LINGO3: variants seen among roughly 807,000 people sequenced by gnomAD.
LINGO3 encodes leucine-rich repeat and immunoglobulin-like domain-containing nogo receptor-interacting protein 3.
For missense variants in LINGO3, 750 were observed against 867.7 expected, an observed-to-expected ratio of 0.86 and a Z score of 1.70; for synonymous variants, 427 against 444.2, an observed-to-expected ratio of 0.96 and a Z score of 0.49.
rs747714327 is a variant in LINGO3, at chr19:2,290,755, A to C, written c.1022T>G (p.Val341Gly). The C allele has an allele frequency of 6.2e-7, 1 of 1,612,840 alleles. No homozygotes were observed. Among genetic ancestry groups the C allele is most frequent in the South Asian group, 1.1e-5 (1 of 91,064 alleles). ...CACGCGCAGCGTCTCTAGCGTGTTCACCGAGTGGAAGGTGCTCTCCTCCAA... is the reference window on the plus strand; with the variant it reads ...CACGCGCAGCGTCTCTAGCGTGTTCCCCGAGTGGAAGGTGCTCTCCTCCAA... The change falls in exon 1 of 1, where the codon GTG becomes GGG. Residue 341 changes from valine to glycine, a missense_variant. By Grantham distance (109) the Val-to-Gly change is moderately radical (BLOSUM62 -3). Coordinates refer to ENST00000585527, the Ensembl canonical transcript of LINGO3. This position sits in a 1 kb window ranked among gnomAD's most constrained non-coding sequence, Gnocchi z 6.0.
upstream of LINGO3, among the ~76,000 whole-genome samples, chr19:2,294,331 G>A (rs569048388): frequency 1.5e-4 from 23 of 152,346 alleles, no homozygotes; most frequent in African/African-American, 5.5e-4. The surrounding 1 kb of genome is among the most constrained non-coding windows in gnomAD (Gnocchi z 4.3). Flanking sequence ...AGCCGGGAGA[G>A]GCAGGAAGGA....
Position 2,290,920 on chromosome 19 carries a change from G to C in LINGO3, c.857C>G (p.Pro286Arg). 1 of 1,611,716 alleles carries C rather than the reference G, an allele frequency of 6.2e-7. No individual in the cohort carries two copies. ...GACCAGGTCCCGGAACGACCCCCGC[G>C]GCACCGTGCTGATGGGGTTGTGCGA... is the stretch of plus-strand genomic sequence containing the variant. Residue 286 changes from proline to arginine, a missense_variant, in exon 1 of 1, where the codon CCG (proline) becomes CGG (arginine). Pro to Arg is a moderately radical substitution (Grantham distance 103, BLOSUM62 -2). Transcript: ENST00000585527. This position sits in a 1 kb window ranked among gnomAD's most constrained non-coding sequence, Gnocchi z 6.0.
chr19:2,291,307 A>T (rs778948019), exon 1 of LINGO3: 6 of 1,612,860 alleles, frequency 3.7e-6, no homozygotes, highest in Non-Finnish European at 5.1e-6. Flanking sequence ...GTTGTCGCCC[A>T]CTTCCAGCCG....
chr19:2,297,038 G>A, the LINGO3 span, among the ~76,000 whole-genome samples: 3 of 151,484 alleles, frequency 2.0e-5, no homozygotes, highest in Non-Finnish European at 4.4e-5. Context: ...CTTGCAGTGA[G>A]CTGAGATCAC....
chr19:2,293,593 C>T (rs1478617009), upstream of LINGO3, among the ~76,000 whole-genome samples: 3 of 148,244 alleles, frequency 2.0e-5, no homozygotes, highest in Admixed American at 6.7e-5. Flanking sequence ...CTCCTGACCT[C>T]GGGTAATCCA....
chr19:2,290,514 C>T lies in LINGO3; in HGVS notation c.1263G>A (p.Ala421=). Residue 421 remains alanine (A), a synonymous_variant, in exon 1 of 1, where the codon GCG becomes GCA. Transcript: ENST00000585527. This position sits in a 1 kb window ranked among gnomAD's most constrained non-coding sequence, Gnocchi z 6.0. ...GGCAGAGGAAGCGGACGTCTTCGCC[C>T]GCGGTGGCCGTGACGCGCTGCAGCC... The T allele has an allele frequency of 6.6e-7, 1 of 1,506,730 alleles. No homozygotes were observed. Among genetic ancestry groups the T allele is most frequent in the Admixed American group, 2.1e-5 (1 of 48,276 alleles). 93.3% of individuals were successfully genotyped at this position (1,506,730 alleles called of 1,614,324 possible).
the LINGO3 span, among the ~76,000 whole-genome samples, chr19:2,307,196 C>T: frequency 6.6e-6 from 1 of 152,222 alleles, no homozygotes. Flanking sequence ...TGCAGCCTCG[C>T]TGCGTCCATG....
In LINGO3 at chr19:2,290,615, C is replaced by T. The variant is rs2145085671; in HGVS notation, c.1162G>A (p.Asp388Asn). ...GAGTCCGGCAGGTTTCGCAGCGCGTCGCCGCGCACCTCGGCCGGGGTGGCG... is the reference window on the plus strand; with the variant it reads ...GAGTCCGGCAGGTTTCGCAGCGCGTTGCCGCGCACCTCGGCCGGGGTGGCG... The change falls in exon 1 of 1, where the codon GAC (aspartate) becomes AAC (asparagine). Residue 388 changes from aspartate to asparagine, a missense_variant. Physicochemically the swap from Asp to Asn is conservative, Grantham distance 23. Coordinates refer to ENST00000585527, the Ensembl canonical transcript of LINGO3. This position sits in a 1 kb window ranked among gnomAD's most constrained non-coding sequence, Gnocchi z 6.0. 6.3e-7 allele frequency: 1 copy of T among 1,591,502 alleles called. No individual in the cohort carries two copies. The highest frequency in any genetic ancestry group is 8.5e-7 in the Non-Finnish European group (1 of 1,173,432).
upstream of LINGO3, among the ~76,000 whole-genome samples, chr19:2,296,714 T>C (rs1465283190): frequency 1.3e-5 from 2 of 151,428 alleles, no homozygotes; most frequent in Non-Finnish European, 2.9e-5. Flanking sequence ...CCACTTCAAA[T>C]GATCCACCCA....
chr19:2,289,877 G>A (rs936920687), exon 1 of LINGO3: 3 of 785,976 alleles, frequency 3.8e-6, no homozygotes, highest in Admixed American at 3.0e-5. Flanking sequence ...ACAAAAAAAG[G>A]GGAAGTTCTG....
chr19:2,289,301 C>T (rs1000262098), downstream of LINGO3, among the ~76,000 whole-genome samples: 1 of 150,416 alleles, frequency 6.6e-6, no homozygotes, highest in African/African-American at 2.5e-5. Flanking sequence ...AGCTGTGTGT[C>T]CCGGGTGTGA....
exon 1 of LINGO3, chr19:2,291,903 C>T: frequency 5.0e-6 from 4 of 796,848 alleles, no homozygotes; most frequent in Non-Finnish European, 8.1e-6. Context: ...CGCCCCTAAC[C>T]CGTCCCAGCA....
the LINGO3 span, among the ~76,000 whole-genome samples, chr19:2,306,769 G>A: frequency 8.6e-3 from 1,315 of 152,114 alleles, 7 homozygotes; most frequent in Non-Finnish European, 0.014. Flanking sequence ...CCCACCGCCC[G>A]GCTGCCCCCT....
chr19:2,289,164 G>C (rs1156795617), downstream of LINGO3, among the ~76,000 whole-genome samples: 2 of 151,430 alleles, frequency 1.3e-5, no homozygotes, highest in Non-Finnish European at 2.9e-5. Flanking sequence ...TGTGTCCCGG[G>C]TGTGAGCTCT....
At chr19:2,308,142 A>AGCCGCCGCCGCCGCCGCCGCC in the LINGO3 span, among the ~76,000 whole-genome samples, 160 of 139,668 alleles carry the variant, frequency 1.1e-3, no homozygotes, top group South Asian at 1.7e-3. Flanking sequence ...CGACACGAGC[A>AGCCGCCGCCGCCGCCGCCGCC]GCCGCCGCCG....
At chr19:2,306,987 C>G in the LINGO3 span, among the ~76,000 whole-genome samples, 1 of 152,122 alleles carries the variant, frequency 6.6e-6, no homozygotes, top group South Asian at 2.1e-4. Flanking sequence ...TTCCAGCCTG[C>G]GTCCTCCACC....
At chr19:2,306,442 C>T in the LINGO3 span, among the ~76,000 whole-genome samples, 1 of 152,164 alleles carries the variant, frequency 6.6e-6, no homozygotes, top group African/African-American at 2.4e-5. Context: ...ACTCAGGGGG[C>T]GCCGGGGAAT....
In LINGO3 at chr19:2,290,090, AGTT is replaced by A. The variant is rs748707754; in HGVS notation, c.1684_1686del (p.Asn562del). 1 of 1,595,014 alleles carries A rather than the reference AGTT, an allele frequency of 6.3e-7. No individual in the cohort carries two copies. The highest frequency in any genetic ancestry group is 1.1e-5 in the South Asian group (1 of 88,568). On this transcript the variant is annotated inframe_deletion, in exon 1 of 1. Transcript: ENST00000585527. The surrounding 1 kb of genome is among the most constrained non-coding windows in gnomAD (Gnocchi z 6.0). ...TTGCGGAAGGAGTACTCCACCGAGA[AGTT>A]GTTTTTGTGCTGCCCGCGGCCGCGG...
At chr19:2,301,732 C>A in the LINGO3 span, among the ~76,000 whole-genome samples, 1 of 151,940 alleles carries the variant, frequency 6.6e-6, no homozygotes, top group African/African-American at 2.4e-5. Flanking sequence ...TGGAGACCAT[C>A]CTGGTTAACA....
Sources: allele counts gnomAD v4.1 joint callset (sites outside exome capture counted in the v4.1 genomes callset), GRCh38; gene constraint gnomAD v4.1.1; non-coding constraint Gnocchi (gnomAD v3.1); transcripts MANE v1.5; gene names NCBI Gene and HGNC (gene_info 2026-07-23, HGNC 2026-07-21).